The following SPATA2L variants were observed in gnomAD, a reference collection of about 807,000 sequenced individuals.
SPATA2L encodes the protein spermatogenesis-associated protein 2-like protein.
SPATA2L carries 5 observed loss-of-function variants against 8.7 expected under a neutral mutation model. The ratio of observed to expected loss-of-function variants is 0.57; its 90% CI spans 0.30 to 1.21. The LOEUF is 1.21. Among genes scored for constraint, SPATA2L ranks in the 50% most tolerant of loss-of-function variants. The pLI, the probability that SPATA2L is intolerant of heterozygous loss-of-function variation, is 0.07. For synonymous variants in SPATA2L, 358 were observed against 275.8 expected (o/e 1.30, Z -2.95); for missense variants, 671 against 591.0 (o/e 1.14, Z -1.40).
chr16:89,697,266 C>A lies in SPATA2L; in HGVS notation c.*68G>T, dbSNP rs1416069466. On this transcript the variant is annotated 3_prime_UTR_variant, in exon 3 of 3. Coordinates refer to ENST00000289805, the MANE Select transcript of SPATA2L (RefSeq NM_152339.4). Reference sequence around the variant, plus strand: ...GACAAGGCAACCAGAGGCCCAGACCCCTCCCCAGCAAAGAGAAGCACCACG... The same window carrying A: ...GACAAGGCAACCAGAGGCCCAGACCACTCCCCAGCAAAGAGAAGCACCACG... 6.9e-7 allele frequency: 1 copy of A among 1,445,370 alleles called. No individual in the cohort carries two copies. Among genetic ancestry groups the A allele is most frequent in the East Asian group, 2.4e-5 (1 of 41,734 alleles). 89.5% of individuals were successfully genotyped at this position (1,445,370 alleles called of 1,614,324 possible).
intron 2 of SPATA2L, among the ~76,000 whole-genome samples, chr16:89,699,220 C>G (rs577650631): frequency 6.6e-6 from 1 of 152,292 alleles, no homozygotes; most frequent in South Asian, 2.1e-4. Flanking sequence ...TGGAGATGGC[C>G]TCATCTAATT....
chr16:89,699,477 CG>C (rs1336662884), intron 2 of SPATA2L, among the ~76,000 whole-genome samples: 1 of 152,120 alleles, frequency 6.6e-6, no homozygotes, highest in African/African-American at 2.4e-5. Context: ...GGGGGTGACA[CG>C]TCTGTTTTCA....
In SPATA2L at chr16:89,696,968, C is replaced by G. The variant is rs548447529; in HGVS notation, c.*366G>C. ...ACCCCCAAGTCCTGAGCCCCGTACT[C>G]CGTACTGCAGGGAGCAGGCCAGGAG... On this transcript the variant is annotated 3_prime_UTR_variant, in exon 3 of 3. Coordinates refer to ENST00000289805, the MANE Select transcript of SPATA2L (RefSeq NM_152339.4). The G allele has an allele frequency of 1.3e-6, 2 of 1,482,442 alleles. No individual in the cohort carries two copies. Among genetic ancestry groups the G allele is most frequent in the African/African-American group, 2.8e-5 (2 of 72,312 alleles). 91.8% of individuals were successfully genotyped at this position (1,482,442 alleles called of 1,614,324 possible). A position where few individuals can be genotyped will look rare whatever the true frequency, so the allele number is the denominator to read the frequency against.
Position 89,701,041 on chromosome 16 carries a change from G to T in SPATA2L, c.192C>A (p.Arg64=). The change falls in exon 2 of 3, where the codon CGC becomes CGA. Residue 64 remains arginine, a synonymous_variant. Transcript: ENST00000289805. ...LALLTDGLWG[R]ADLAPALRGL... is the part of the protein sequence containing the mutation. Reference sequence around the variant, plus strand: ...CGCGTAGCGCGGGCGCCAGGTCGGCGCGGCCCCACAGCCCGTCGGTGAGCA... The same window carrying T: ...CGCGTAGCGCGGGCGCCAGGTCGGCTCGGCCCCACAGCCCGTCGGTGAGCA... 6.4e-7 allele frequency: 1 copy of T among 1,570,722 alleles called. No homozygotes were observed. Among genetic ancestry groups the T allele is most frequent in the East Asian group, 2.4e-5 (1 of 42,238 alleles).
At chr16:89,698,820 G>C (rs1182483502) in intron 2 of SPATA2L, among the ~76,000 whole-genome samples, 1 of 148,298 alleles carries the variant, frequency 6.7e-6, no homozygotes, top group East Asian at 2.0e-4. Flanking sequence ...TTTTGAGACA[G>C]AGTCTCGCTC....
Position 89,697,683 on chromosome 16 carries a change from AAGG to A in SPATA2L, c.923_925del (p.Ser308del), listed in dbSNP as rs774151391. 6 of 1,611,796 alleles carry A rather than the reference AAGG, an allele frequency of 3.7e-6. No homozygotes were observed. Among genetic ancestry groups the A allele is most frequent in the African/African-American group, 2.7e-5 (2 of 74,848 alleles). Reference sequence around the variant, plus strand: ...ACTCAGCTCACGGCGCAGAGAGAGGAAGGAGAAGGCGGAAGGTTCAGGTTCCAG... The same window carrying A: ...ACTCAGCTCACGGCGCAGAGAGAGGAAGAAGGCGGAAGGTTCAGGTTCCAG... On this transcript the variant is annotated inframe_deletion, in exon 3 of 3. Transcript: ENST00000289805.
Position 89,697,457 on chromosome 16 carries a change from G to T in SPATA2L, c.1152C>A (p.Ala384=). The T allele has an allele frequency of 1.9e-6, 3 of 1,605,892 alleles. No homozygotes were observed. The highest frequency in any genetic ancestry group is 2.5e-6 in the Non-Finnish European group (3 of 1,177,148). Residue 384 remains alanine, a synonymous_variant, in exon 3 of 3, where the codon GCC becomes GCA. Coordinates refer to ENST00000289805, the MANE Select transcript of SPATA2L (RefSeq NM_152339.4). ...CRQLHAAHCA[A]LPACRPGHSL... ...AGTGGCCTGGACGGCAGGCGGGCAGGGCTGCACAGTGGGCAGCATGCAGCT... is the reference window on the plus strand; with the variant it reads ...AGTGGCCTGGACGGCAGGCGGGCAGTGCTGCACAGTGGGCAGCATGCAGCT...
Position 89,697,445 on chromosome 16 carries a change from G to C in SPATA2L, c.1164C>G (p.Cys388Trp), listed in dbSNP as rs758663584. The C allele has an allele frequency of 1.9e-6, 3 of 1,605,778 alleles. No individual in the cohort carries two copies. The highest frequency in any genetic ancestry group is 2.5e-6 in the Non-Finnish European group (3 of 1,177,034). The stretch of plus-strand genomic sequence containing the variant: ...GCACACGCAGCGAGTGGCCTGGACG[G>C]CAGGCGGGCAGGGCTGCACAGTGGG... The part of the protein sequence containing the change: ...HAAHCAALPA[C>W]RPGHSLRVLL... The change falls in exon 3 of 3, where the codon TGC becomes TGG. Residue 388 changes from cysteine (C) to tryptophan (W), a missense_variant. Transcript: ENST00000289805.
Position 89,696,711 on chromosome 16 carries a change from C to A in SPATA2L, c.*623G>T. 2 of 1,391,806 alleles carry A rather than the reference C, an allele frequency of 1.4e-6. No homozygotes were observed. Among genetic ancestry groups the A allele is most frequent in the South Asian group, 1.3e-5 (1 of 75,280 alleles). 86.2% of individuals were successfully genotyped at this position (1,391,806 alleles called of 1,614,324 possible). On this transcript the variant is annotated 3_prime_UTR_variant, in exon 3 of 3. Transcript: ENST00000289805. The stretch of plus-strand genomic sequence containing the variant: ...TCCCAGCTGTCAGCCACTGCCCGTT[C>A]CTGCGCCTCTCGTGCACCTCCACAT...
chr16:89,701,249 G>C lies in SPATA2L; in HGVS notation c.-1-16C>G. The C allele has an allele frequency of 1.4e-6, 2 of 1,397,184 alleles. No homozygotes were observed. The highest frequency in any genetic ancestry group is 3.1e-5 in the South Asian group (2 of 65,374). The allele number at this position is 1,397,184 out of a possible 1,614,324, so 86.5% of individuals were successfully genotyped here. On this transcript the variant is annotated splice_polypyrimidine_tract_variant and intron_variant, in intron 1 of 2. Coordinates refer to ENST00000289805, the MANE Select transcript of SPATA2L (RefSeq NM_152339.4). ...GCTGCCCATCCTGCGGCGGACGGGG[G>C]TCGGGGGGGTCAGGGACCTAAGGCC...
rs969846587 is a variant in SPATA2L, at chr16:89,696,785, C to T, written c.*549G>A. On this transcript the variant is annotated 3_prime_UTR_variant, in exon 3 of 3. Coordinates refer to ENST00000289805, the MANE Select transcript of SPATA2L (RefSeq NM_152339.4). The stretch of plus-strand genomic sequence containing the variant: ...CTGTCTGTGGGCCCAGCTGCTGTGA[C>T]ACCCAAGGGGAGGGCCGGCGTCCCC... The T allele has an allele frequency of 1.6e-5, 25 of 1,533,240 alleles. No individual in the cohort carries two copies. The highest frequency in any genetic ancestry group is 2.7e-5 in the African/African-American group (2 of 72,984). The allele number at this position is 1,533,240 out of a possible 1,614,324, so 95.0% of individuals were successfully genotyped here. A position where few individuals can be genotyped will look rare whatever the true frequency, so the allele number is the denominator to read the frequency against.
At chr16:89,698,366 C>T (rs1008022511) in intron 2 of SPATA2L, 61 bp from the exon 3 acceptor site, 62 of 1,496,412 alleles carry the variant, frequency 4.1e-5, no homozygotes, top group Non-Finnish European at 4.8e-5. Context: ...CCCTAGGGTA[C>T]AGTGGGTCCG....
rs1231344124 is a variant in SPATA2L at position 89,696,998 on chromosome 16, G to A, written c.*336C>T. On this transcript the variant is annotated 3_prime_UTR_variant, in exon 3 of 3. Transcript: ENST00000289805. ...CTGCAGGGAGCAGGCCAGGAGCCACGGGCCTTGGGGCACAGGGTCCTTCTC... is the reference window on the plus strand; with the variant it reads ...CTGCAGGGAGCAGGCCAGGAGCCACAGGCCTTGGGGCACAGGGTCCTTCTC... The A allele has an allele frequency of 1.8e-5, 26 of 1,426,556 alleles. No homozygotes were observed. The highest frequency in any genetic ancestry group is 2.2e-4 in the Middle Eastern group (1 of 4,588). 88.4% of individuals were successfully genotyped at this position (1,426,556 alleles called of 1,614,324 possible).
At chr16:89,700,861 C>A in intron 2 of SPATA2L, 69 bp downstream of exon 2, 1 of 1,385,222 alleles carries the variant, frequency 7.2e-7, no homozygotes, top group South Asian at 1.6e-5. Flanking sequence ...GGCGTGGTCC[C>A]CCATGGTCGG....
chr16:89,698,183 C>T lies in SPATA2L; in HGVS notation c.426G>A (p.Leu142=), dbSNP rs1202370955. 2 of 1,612,894 alleles carry T rather than the reference C, an allele frequency of 1.2e-6. No homozygotes were observed. The highest frequency in any genetic ancestry group is 4.5e-5 in the East Asian group (2 of 44,882). The part of the protein sequence containing the change: ...RDSHRLMVTA[L]PPACQLVQVA... ...CCTGCACCAGCTGGCAGGCGGGGGG[C>T]AGGGCGGTCACCATGAGCCGATGGC... Residue 142 remains leucine, a synonymous_variant, in exon 3 of 3, where the codon CTG becomes CTA. Transcript: ENST00000289805.
chr16:89,701,418 C>T lies in SPATA2L; in HGVS notation c.-1-185G>A, dbSNP rs529882034. 3.9e-5 allele frequency: 20 copies of T among 516,484 alleles called. No homozygotes were observed. The East Asian group carries it at 6.7e-4, about 17-fold the overall frequency. 32.0% of individuals were successfully genotyped at this position (516,484 alleles called of 1,614,324 possible). ...GGAGACCTCGGCCCCATCAGCTGCC[C>T]GCCCACCCAGCGATCCAGGCCCCTC... On this transcript the variant is annotated intron_variant, in intron 1 of 2. Transcript: ENST00000289805.
Position 89,697,181 on chromosome 16 carries a change from C to T in SPATA2L, c.*153G>A, listed in dbSNP as rs1406978271. ...AGCCTTCCATATACAGAGAGTCCCA[C>T]CTCCAGCAAGGGTTGGCCTGGACTC... On this transcript the variant is annotated 3_prime_UTR_variant, in exon 3 of 3. Transcript: ENST00000289805. The T allele has an allele frequency of 7.3e-7, 1 of 1,377,042 alleles. No individual in the cohort carries two copies. Among genetic ancestry groups the T allele is most frequent in the African/African-American group, 1.5e-5 (1 of 68,508 alleles). The allele number at this position is 1,377,042 out of a possible 1,614,324, so 85.3% of individuals were successfully genotyped here. A position where few individuals can be genotyped will look rare whatever the true frequency, so the allele number is the denominator to read the frequency against.
At position 89,697,075 on chromosome 16, in the gene SPATA2L, CAT is replaced by C; in HGVS notation, c.*257_*258del. The C allele has an allele frequency of 7.2e-7, 1 of 1,387,830 alleles. No individual in the cohort carries two copies. The highest frequency in any genetic ancestry group is 9.3e-7 in the Non-Finnish European group (1 of 1,073,026). 86.0% of individuals were successfully genotyped at this position (1,387,830 alleles called of 1,614,324 possible). ...ACAGGCTGGACCCCTCTACCCAGCA[CAT>C]GTGGGCATGCGTCTGGGTTCCGAGG... On this transcript the variant is annotated 3_prime_UTR_variant, in exon 3 of 3. Coordinates refer to ENST00000289805, the MANE Select transcript of SPATA2L (RefSeq NM_152339.4).
chr16:89,698,110 C>T lies in SPATA2L; in HGVS notation c.499G>A (p.Glu167Lys). 1 of 1,605,550 alleles carries T rather than the reference C, an allele frequency of 6.2e-7. No homozygotes were observed. The highest frequency in any genetic ancestry group is 8.5e-7 in the Non-Finnish European group (1 of 1,177,396). Residue 167 changes from glutamate to lysine, a missense_variant, in exon 3 of 3, where the codon GAG (glutamate) becomes AAG (lysine). Coordinates refer to ENST00000289805, the MANE Select transcript of SPATA2L (RefSeq NM_152339.4). ...ALRLECEILG[E>K]VLAQLGTSVL... is the part of the protein sequence containing the mutation. ...CTGGTGCCCAGCTGGGCCAGCACCT[C>T]ACCCAGGATCTCACACTCCAGCCGG... is the stretch of plus-strand genomic sequence containing the variant.
Sources: gnomAD v4.1 joint callset for allele counts (sites outside exome capture counted in the v4.1 genomes callset) on GRCh38, gnomAD v4.1.1 for gene constraint, MANE v1.5 for transcripts, NCBI Gene and HGNC (gene_info 2026-07-23, HGNC 2026-07-21) for gene names.